The following PRSS50 variants were observed in gnomAD, a reference collection of about 807,000 sequenced individuals.
PRSS50 encodes the protein serine protease 50.
In PRSS50, 23 loss-of-function variants were observed where a neutral mutation model predicts 34.2. The observed-to-expected ratio is 0.67, with a 90% CI of 0.48 to 0.95. The LOEUF is 0.95. PRSS50 is among the 40% of genes least tolerant of loss of function. The pLI is 0.00. For synonymous variants in PRSS50, 224 were observed against 211.2 expected, an observed-to-expected ratio of 1.06 and a Z score of -0.53; for missense variants, 484 against 513.4, an observed-to-expected ratio of 0.94 and a Z score of 0.55.
chr3:46,712,963 C>G lies in PRSS50; in HGVS notation c.859G>C (p.Val287Leu). Residue 287 changes from valine to leucine, a missense_variant, in exon 5 of 6, where the codon GTT becomes CTT. Transcript: ENST00000315170. ...YHNFTKIPTLVQIIKSQMMCA... is the reference protein window; with the variant it reads ...YHNFTKIPTLLQIIKSQMMCA... ...ATCATCTGGGACTTGATGATCTGAA[C>G]CAGAGTGGGGATTTTGGTGAAGTTG... 6.2e-7 allele frequency: 1 copy of G among 1,614,156 alleles called. No homozygotes were observed. Among genetic ancestry groups the G allele is most frequent in the Non-Finnish European group, 8.5e-7 (1 of 1,180,028 alleles).
rs1022307049 is a variant in PRSS50 at position 46,717,346 on chromosome 3, C to T, written c.307+91G>A. 22 of 1,440,042 alleles carry T rather than the reference C, an allele frequency of 1.5e-5. No individual in the cohort carries two copies. Among genetic ancestry groups the T allele is most frequent in the Non-Finnish European group, 1.7e-5 (18 of 1,039,628 alleles). The allele number at this position is 1,440,042 out of a possible 1,614,324, so 89.2% of individuals were successfully genotyped here. A position where few individuals can be genotyped will look rare whatever the true frequency, so the allele number is the denominator to read the frequency against. ...GGCGCTCCTCTATCCTGCTCGCCCC[C>T]GTCCCTTCTGCTCCCCTAGCCCCAG... On this transcript the variant is annotated intron_variant, in intron 2 of 5. Transcript: ENST00000315170. The surrounding 1 kb of genome is among the most constrained non-coding windows in gnomAD (Gnocchi z 4.5).
At chr3:46,713,126 T>A (rs1700640527) in intron 4 of PRSS50, 59 bp from the exon 5 acceptor site, 1 of 1,578,814 alleles carries the variant, frequency 6.3e-7, no homozygotes, top group African/African-American at 1.3e-5. Flanking sequence ...ACCGCCAGCC[T>A]CACTCGTCCT....
At chr3:46,714,147 G>C in intron 4 of PRSS50, 71 bp downstream of exon 4, 1 of 1,544,106 alleles carries the variant, frequency 6.5e-7, no homozygotes, top group Non-Finnish European at 8.8e-7. Flanking sequence ...ATCCATCTGT[G>C]GTGGCACCCT....
rs1700674365 is a variant in PRSS50 at position 46,715,789 on chromosome 3, C to G, written c.308-92G>C. 1.4e-6 allele frequency: 2 copies of G among 1,385,276 alleles called. No homozygotes were observed. Among genetic ancestry groups the G allele is most frequent in the African/African-American group, 2.9e-5 (2 of 69,458 alleles). The allele number at this position is 1,385,276 out of a possible 1,614,324, so 85.8% of individuals were successfully genotyped here. A position where few individuals can be genotyped will look rare whatever the true frequency, so the allele number is the denominator to read the frequency against. On this transcript the variant is annotated intron_variant, in intron 2 of 5. Transcript: ENST00000315170. This position sits in a 1 kb window ranked among gnomAD's most constrained non-coding sequence, Gnocchi z 5.2. ...ACCTCGTGCCTCTCCAGCCACTGGC[C>G]TGCACCCATCCAGGGGTGCTCCCTT... is the stretch of plus-strand genomic sequence containing the variant.
intron 5 of PRSS50, 58 bp downstream of exon 5, chr3:46,712,843 C>G: frequency 6.3e-7 from 1 of 1,584,546 alleles, no homozygotes; most frequent in South Asian, 1.1e-5. Context: ...CTCTCCCTCC[C>G]CAGATGCCTC....
Position 46,717,801 on chromosome 3 carries a change from G to T in PRSS50, c.24C>A (p.Val8=). The change falls in exon 1 of 6, where the codon GTC becomes GTA. Residue 8 remains valine, a synonymous_variant. Coordinates refer to ENST00000315170, the MANE Select transcript of PRSS50 (RefSeq NM_013270.5). The surrounding 1 kb of genome is among the most constrained non-coding windows in gnomAD (Gnocchi z 4.5). MGRWCQT[V]ARGQRPRTSA... Reference sequence around the variant, plus strand: ...ACGTCCGGGGGCGCTGCCCGCGCGCGACGGTCTGGCACCAGCGACCCATCC... The same window carrying T: ...ACGTCCGGGGGCGCTGCCCGCGCGCTACGGTCTGGCACCAGCGACCCATCC... The T allele has an allele frequency of 6.5e-7, 1 of 1,542,776 alleles. No individual in the cohort carries two copies. The highest frequency in any genetic ancestry group is 2.4e-5 in the East Asian group (1 of 41,076).
chr3:46,712,875 G>C, intron 5 of PRSS50, 26 bp downstream of exon 5: 1 of 1,610,910 alleles, frequency 6.2e-7, no homozygotes, highest in Non-Finnish European at 8.5e-7. Context: ...CCCCTGAAGG[G>C]GAGTGAGCGA....
intron 3 of PRSS50, 64 bp from the exon 4 acceptor site, chr3:46,714,565 G>T: frequency 1.4e-6 from 2 of 1,473,678 alleles, no homozygotes; most frequent in East Asian, 4.9e-5. Context: ...CTCCAGCCTG[G>T]GCCTTCCCCC....
At chr3:46,713,526 G>A (rs76035978) in intron 4 of PRSS50, among the ~76,000 whole-genome samples, 2,764 of 152,360 alleles carry the variant, frequency 0.018, 42 homozygotes, top group Non-Finnish European at 0.03. Flanking sequence ...CTGGGAGACA[G>A]GAGACAGGCC....
Position 46,714,219 on chromosome 3 carries a change from G to A in PRSS50, c.753C>T (p.Asp251=), listed in dbSNP as rs560006901. 16 of 1,613,224 alleles carry A rather than the reference G, an allele frequency of 9.9e-6. No individual in the cohort carries two copies. The highest frequency in any genetic ancestry group is 8.3e-5 in the Admixed American group (5 of 60,010). Residue 251 remains aspartate (D), a splice_region_variant and synonymous_variant, in exon 4 of 6, where the codon GAC becomes GAT. Transcript: ENST00000315170. ...TGGTCTGCAGAGGCTTTGACTCACC[G>A]TCAGCCTTGGAAAGTCCCCAGCCCG... ...TVTGWGLSKA[D]GMWPQFRTIQ...
chr3:46,714,369 C>A lies in PRSS50; in HGVS notation c.603G>T (p.Val201=). 1 of 1,613,970 alleles carries A rather than the reference C, an allele frequency of 6.2e-7. No homozygotes were observed. Among genetic ancestry groups the A allele is most frequent in the South Asian group, 1.1e-5 (1 of 91,058 alleles). ...GGAGGCCGATGTCGTTGGCCTGGCCCACCCAGGACCAGAACCGCTGGGCCC... is the reference window on the plus strand; with the variant it reads ...GGAGGCCGATGTCGTTGGCCTGGCCAACCCAGGACCAGAACCGCTGGGCCC... ...RYRAQRFWSW[V]GQANDIGLLK... The change falls in exon 4 of 6, where the codon GTG becomes GTT. Residue 201 remains valine, a synonymous_variant. Coordinates refer to ENST00000315170, the MANE Select transcript of PRSS50 (RefSeq NM_013270.5).
In PRSS50 at chr3:46,717,651, CG is replaced by C. The variant is rs1340644296; in HGVS notation, c.107-15del. 6.2e-7 allele frequency: 1 copy of C among 1,610,628 alleles called. No individual in the cohort carries two copies. Among genetic ancestry groups the C allele is most frequent in the African/African-American group, 1.3e-5 (1 of 74,826 alleles). ...CGCCCCAGCAACCTGCGGAGGACGT[CG>C]AGCGGATTAGAGGTGGAAGGCGAGG... On this transcript the variant is annotated splice_polypyrimidine_tract_variant and intron_variant, in intron 1 of 5. Coordinates refer to ENST00000315170, the MANE Select transcript of PRSS50 (RefSeq NM_013270.5). This position sits in a 1 kb window ranked among gnomAD's most constrained non-coding sequence, Gnocchi z 4.5.
chr3:46,714,827 T>C (rs1395763654), intron 3 of PRSS50, among the ~76,000 whole-genome samples: 3 of 152,118 alleles, frequency 2.0e-5, no homozygotes, highest in Non-Finnish European at 4.4e-5. Context: ...CTACTCTCAG[T>C]CCATAGCATG....
At position 46,714,425 on chromosome 3, in the gene PRSS50, C is replaced by T. The variant is rs1700655262; in HGVS notation, c.547G>A (p.Val183Met). 1 of 1,612,368 alleles carries T rather than the reference C, an allele frequency of 6.2e-7. No individual in the cohort carries two copies. The highest frequency in any genetic ancestry group is 8.5e-7 in the Non-Finnish European group (1 of 1,179,364). The change falls in exon 4 of 6, where the codon GTG becomes ATG. Residue 183 changes from valine to methionine, a missense_variant. Physicochemically the swap from Val to Met is conservative, Grantham distance 21 (BLOSUM62 1). Coordinates refer to ENST00000315170, the MANE Select transcript of PRSS50 (RefSeq NM_013270.5). ...QMTQTASDVP[V>M]LQVIMHSRYR... is the part of the protein sequence containing the mutation. ...CTGCTATGCATGATGACCTGGAGCA[C>T]CGGGACATCGGAGGCGGTCTGCGTC...
chr3:46,713,118 C>A (rs75091282), intron 4 of PRSS50, 51 bp from the exon 5 acceptor site: 1 of 1,596,480 alleles, frequency 6.3e-7, no homozygotes, highest in Non-Finnish European at 8.6e-7. Flanking sequence ...TGCCCACTAC[C>A]GCCAGCCTCA....
rs1263045083 is a variant in PRSS50 at position 46,717,255 on chromosome 3, G to A, written c.307+182C>T. Among the ~76,000 whole-genome samples the A allele has an allele frequency of 3.3e-5, 5 of 152,108 alleles. No homozygotes were observed. The highest frequency in any genetic ancestry group is 7.3e-5 in the Non-Finnish European group (5 of 68,032). On this transcript the variant is annotated intron_variant, in intron 2 of 5. Coordinates refer to ENST00000315170, the MANE Select transcript of PRSS50 (RefSeq NM_013270.5). The surrounding 1 kb of genome is among the most constrained non-coding windows in gnomAD (Gnocchi z 4.5). ...GTGAGGACAAGACACCCAGAGCTCT[G>A]GGCCTCCAGACAGGACCAGGCCTGA...
In PRSS50 at chr3:46,713,075, A is replaced by T. The variant is rs758874875; in HGVS notation, c.755-8T>A. On this transcript the variant is annotated splice_polypyrimidine_tract_variant and splice_region_variant and intron_variant, in intron 4 of 5. Coordinates refer to ENST00000315170, the MANE Select transcript of PRSS50 (RefSeq NM_013270.5). ...GGAACTGAGGCCACATGCCTGTGGG[A>T]CAGGGCCCCATTTAGGCGCAGCCAC... The T allele has an allele frequency of 6.2e-7, 1 of 1,613,482 alleles. No individual in the cohort carries two copies. Among genetic ancestry groups the T allele is most frequent in the South Asian group, 1.1e-5 (1 of 91,040 alleles).
Position 46,717,429 on chromosome 3 carries a change from G to A in PRSS50, c.307+8C>T. 6.2e-7 allele frequency: 1 copy of A among 1,613,406 alleles called. No individual in the cohort carries two copies. Among genetic ancestry groups the A allele is most frequent in the South Asian group, 1.1e-5 (1 of 91,066 alleles). On this transcript the variant is annotated splice_region_variant and intron_variant, in intron 2 of 5. Transcript: ENST00000315170. The surrounding 1 kb of genome is among the most constrained non-coding windows in gnomAD (Gnocchi z 4.5). Reference sequence around the variant, plus strand: ...TTGCCCCACGGAGTCTACACCCCTGGTACTCACAGCGGTATGGGTCGACTT... The same window carrying A: ...TTGCCCCACGGAGTCTACACCCCTGATACTCACAGCGGTATGGGTCGACTT...
chr3:46,713,163 T>G, intron 4 of PRSS50, 96 bp from the exon 5 acceptor site: 1 of 1,440,204 alleles, frequency 6.9e-7, no homozygotes. Context: ...ACGTCCCACC[T>G]TTTCTGCTTT....
Sources: allele counts gnomAD v4.1 joint callset (sites outside exome capture counted in the v4.1 genomes callset), GRCh38; gene constraint gnomAD v4.1.1; non-coding constraint Gnocchi (gnomAD v3.1); transcripts MANE v1.5; gene names NCBI Gene and HGNC (gene_info 2026-07-23, HGNC 2026-07-21).